COXFA4: variants seen among roughly 807,000 people sequenced by gnomAD.
COXFA4 encodes cytochrome c oxidase associated subunit FA4.
the COXFA4 span, among the ~76,000 whole-genome samples, chr7:10,935,122 G>A: frequency 8.9e-4 from 136 of 152,288 alleles, no homozygotes; most frequent in African/African-American, 3.2e-3. Context: ...CAAGTTCTAC[G>A]ATTTGCAGGA....
chr7:10,939,313 G>A, the COXFA4 span: 1 of 197,174 alleles, frequency 5.1e-6, no homozygotes, highest in South Asian at 8.4e-5. Context: ...AAAGATGTAT[G>A]AAAAATAGAA....
the COXFA4 span, chr7:10,938,690 T>C: frequency 2.1e-5 from 16 of 762,070 alleles, no homozygotes; most frequent in African/African-American, 3.4e-5. Context: ...CTGAACTTAT[T>C]GTATGACTGT....
At chr7:10,938,859 G>A in the COXFA4 span, 5 of 1,613,764 alleles carry the variant, frequency 3.1e-6, no homozygotes. Context: ...TGTTGCTCCA[G>A]TAGCTCCAGT....
At chr7:10,937,836 A>C in the COXFA4 span, 2 of 491,416 alleles carry the variant, frequency 4.1e-6, no homozygotes, top group African/African-American at 3.9e-5. Context: ...GTGTTAGACT[A>C]CCTAAGAACT....
At chr7:10,937,611 C>G in the COXFA4 span, among the ~76,000 whole-genome samples, 3 of 152,074 alleles carry the variant, frequency 2.0e-5, no homozygotes, top group Non-Finnish European at 4.4e-5. Flanking sequence ...TGTGCAGGGT[C>G]TTTGTATGCA....
chr7:10,938,552 T>A, the COXFA4 span: 1 of 449,840 alleles, frequency 2.2e-6, no homozygotes. Flanking sequence ...ATTATTTTTA[T>A]GTCAATCCTC....
At chr7:10,939,811 T>A in the COXFA4 span, 2 of 683,964 alleles carry the variant, frequency 2.9e-6, no homozygotes, top group Non-Finnish European at 5.2e-6. Flanking sequence ...GTCTCCTTCC[T>A]CCTGTCAGAC....
At chr7:10,932,120 T>C in the COXFA4 span, 1 of 152,204 alleles carries the variant, frequency 6.6e-6, no homozygotes, top group Non-Finnish European at 1.5e-5. Context: ...TTTGGTAATG[T>C]CTCCATTCTT....
the COXFA4 span, chr7:10,938,037 A>G: frequency 6.6e-7 from 1 of 1,524,878 alleles, no homozygotes; most frequent in Non-Finnish European, 9.1e-7. Flanking sequence ...ACCCCATGAC[A>G]AAACTTATTA....
chr7:10,939,859 C>A, the COXFA4 span: 2 of 849,016 alleles, frequency 2.4e-6, no homozygotes, highest in Non-Finnish European at 4.0e-6. Context: ...GTCACAGAGG[C>A]CTGGGACAAC....
chr7:10,936,684 A>G, the COXFA4 span, among the ~76,000 whole-genome samples: 6,129 of 152,220 alleles, frequency 0.04, 225 homozygotes, highest in African/African-American at 0.095. Context: ...AGGATTTAGA[A>G]GCCAAATTAT....
chr7:10,938,316 G>GTAA, the COXFA4 span: 1 of 600,714 alleles, frequency 1.7e-6, no homozygotes, highest in African/African-American at 1.8e-5. Flanking sequence ...GCAATCTCAT[G>GTAA]TAATCAATTA....
At chr7:10,933,850 T>C in the COXFA4 span, among the ~76,000 whole-genome samples, 3 of 152,212 alleles carry the variant, frequency 2.0e-5, no homozygotes, top group Non-Finnish European at 2.9e-5. Context: ...AGAAAAATAC[T>C]GTACCTAAAA....
the COXFA4 span, among the ~76,000 whole-genome samples, chr7:10,935,227 T>C: frequency 6.6e-6 from 1 of 152,254 alleles, no homozygotes; most frequent in Non-Finnish European, 1.5e-5. Context: ...ACTTGCTTCA[T>C]ATCCAAAATT....
chr7:10,936,593 G>A, the COXFA4 span, among the ~76,000 whole-genome samples: 1 of 152,210 alleles, frequency 6.6e-6, no homozygotes, highest in African/African-American at 2.4e-5. Context: ...TCTTTTTAGA[G>A]GCAAAATATA....
the COXFA4 span, among the ~76,000 whole-genome samples, chr7:10,935,528 A>G: frequency 6.6e-6 from 1 of 152,228 alleles, no homozygotes; most frequent in Admixed American, 6.5e-5. Flanking sequence ...GTCCTCCCAA[A>G]ATTCATGTTG....
chr7:10,931,963 CATTT>C, the COXFA4 span: 2 of 152,114 alleles, frequency 1.3e-5, no homozygotes, highest in African/African-American at 2.4e-5. Context: ...CTTAATGTAG[CATTT>C]ATTTGGAGTT....
the COXFA4 span, among the ~76,000 whole-genome samples, chr7:10,934,629 A>T: frequency 1.3e-5 from 2 of 152,198 alleles, no homozygotes; most frequent in African/African-American, 4.8e-5. Context: ...AGGGTTTTTA[A>T]GCATGAAGTT....
the COXFA4 span, chr7:10,933,154 A>G: frequency 6.3e-6 from 1 of 157,988 alleles, no homozygotes; most frequent in African/African-American, 2.4e-5. Flanking sequence ...AGTAAAAACC[A>G]TTGTTAAAAA....
Sources: allele counts gnomAD v4.1 joint callset (sites outside exome capture counted in the v4.1 genomes callset), GRCh38; gene constraint gnomAD v4.1.1; transcripts MANE v1.5; gene names NCBI Gene and HGNC (gene_info 2026-07-23, HGNC 2026-07-21).